BCL2L13: variants seen among roughly 807,000 people sequenced by gnomAD.
The protein encoded by BCL2L13 is bcl-2-like protein 13.
In BCL2L13, 13 loss-of-function variants were observed where a neutral mutation model predicts 25.8. That is an observed-to-expected ratio of 0.50 (90% CI 0.33 to 0.80). The LOEUF (loss-of-function observed/expected upper bound fraction) is 0.80, where lower values mean the gene tolerates loss of function less well. Ranked by LOEUF, BCL2L13 falls within the 30% of genes least tolerant of loss-of-function variation. The pLI, the probability that BCL2L13 is intolerant of heterozygous loss-of-function variation, is 0.02. For synonymous variants in BCL2L13, 244 were observed against 230.3 expected, an observed-to-expected ratio of 1.06 and a Z score of -0.54; for missense variants, 504 against 574.9, an observed-to-expected ratio of 0.88 and a Z score of 1.26.
At chr22:17,683,459 A>C (rs1417622172) in intron 3 of BCL2L13, 138 bp downstream of exon 3, 1 of 571,172 alleles carries the variant, frequency 1.8e-6, no homozygotes, top group Admixed American at 3.9e-5. Flanking sequence ...AGAAGTTTAT[A>C]AGGGTAAAAC....
chr22:17,696,174 A>C lies in BCL2L13; in HGVS notation c.420A>C (p.Thr140=), dbSNP rs1215416910. The stretch of plus-strand genomic sequence containing the variant: ...CATATCAGGCATTTCGGGAATGTAC[A>C]CTGGAGACCACAGTTCATGCCAGCG... The part of the protein sequence containing the change: ...PVTYQAFREC[T]LETTVHASGW... Residue 140 remains threonine (T), a synonymous_variant, in exon 5 of 7, where the codon ACA becomes ACC. Coordinates refer to ENST00000317582, the MANE Select transcript of BCL2L13 (RefSeq NM_015367.4). 6.2e-7 allele frequency: 1 copy of C among 1,613,914 alleles called. No homozygotes were observed.
chr22:17,706,677 C>T (rs555885304), intron 6 of BCL2L13: 150 of 1,324,170 alleles, frequency 1.1e-4, no homozygotes, highest in African/African-American at 4.0e-4. Flanking sequence ...CCCTGCAGCC[C>T]GGTGAGGGCA....
chr22:17,699,358 T>G (rs1260800936), intron 5 of BCL2L13, among the ~76,000 whole-genome samples: 3 of 152,160 alleles, frequency 2.0e-5, no homozygotes, highest in Admixed American at 2.0e-4. Flanking sequence ...TATAAATTAG[T>G]ACGCTTCATT....
At chr22:17,652,481 C>G (rs1442284376) in intron 1 of BCL2L13, among the ~76,000 whole-genome samples, 1 of 152,106 alleles carries the variant, frequency 6.6e-6, no homozygotes, top group African/African-American at 2.4e-5. Flanking sequence ...TCTTGTTGCC[C>G]AAGCTGGAGT....
At chr22:17,696,242 A>T (rs772845337) in intron 5 of BCL2L13, 32 bp downstream of exon 5, 35 of 1,560,846 alleles carry the variant, frequency 2.2e-5, no homozygotes, top group Non-Finnish European at 3.1e-5. Context: ...CTCTTAAAAG[A>T]TTTTAGTGTG....
rs558333508 is a variant in BCL2L13, at chr22:17,683,099, C to T, written c.122-115C>T. On this transcript the variant is annotated intron_variant, in intron 2 of 6. Coordinates refer to ENST00000317582, the MANE Select transcript of BCL2L13 (RefSeq NM_015367.4). ...AGTGAGCGGAGATCATGCCATTGCA[C>T]TCCAGCCCCAGTGACAGTGCGAGAC... 7.3e-4 allele frequency: 437 copies of T among 596,090 alleles called. 2 individuals carry two copies. The highest frequency in any genetic ancestry group is 1.7e-3 in the Admixed American group (48 of 28,760). The allele number at this position is 596,090 out of a possible 1,614,324, so 36.9% of individuals were successfully genotyped here. A position where few individuals can be genotyped will look rare whatever the true frequency, so the allele number is the denominator to read the frequency against.
intron 5 of BCL2L13, 99 bp downstream of exon 5, chr22:17,696,309 T>G (rs150264494): frequency 3.0e-6 from 3 of 1,005,152 alleles, no homozygotes; most frequent in Middle Eastern, 2.1e-4. Flanking sequence ...CTGTTAGAGC[T>G]CATTCTTTAA....
chr22:17,710,067 TAAAAAAAAA>T (rs71201876), intron 6 of BCL2L13, among the ~76,000 whole-genome samples: 28 of 91,806 alleles, frequency 3.0e-4, no homozygotes, highest in South Asian at 2.5e-3. Flanking sequence ...GACCTTGTCT[TAAAAAAAAA>T]AAAAAAAAAA....
intron 5 of BCL2L13, among the ~76,000 whole-genome samples, chr22:17,700,255 A>C (rs762512952): frequency 7.2e-5 from 11 of 152,314 alleles, no homozygotes; most frequent in Non-Finnish European, 1.6e-4. Context: ...AGAATAGTGG[A>C]TTTCAGACTG....
chr22:17,646,290 A>G (rs2058469191), intron 1 of BCL2L13, among the ~76,000 whole-genome samples: 1 of 151,594 alleles, frequency 6.6e-6, no homozygotes, highest in Non-Finnish European at 1.5e-5. Context: ...CTTGTTGCCC[A>G]GGCTGGAGTG....
intron 1 of BCL2L13, among the ~76,000 whole-genome samples, chr22:17,642,450 C>T (rs1034667643): frequency 8.5e-4 from 129 of 152,310 alleles, no homozygotes; most frequent in African/African-American, 2.8e-3. Flanking sequence ...TGAGCCACCA[C>T]GCCCGGCCTG....
chr22:17,719,585 T>A (rs2061044689), intron 6 of BCL2L13, among the ~76,000 whole-genome samples: 2 of 152,182 alleles, frequency 1.3e-5, no homozygotes, highest in South Asian at 4.1e-4. Flanking sequence ...TAAAGAAGAA[T>A]GAAGTACGGC....
At chr22:17,691,560 G>A (rs1292154998) in intron 4 of BCL2L13, among the ~76,000 whole-genome samples, 1 of 152,134 alleles carries the variant, frequency 6.6e-6, no homozygotes, top group Non-Finnish European at 1.5e-5. Flanking sequence ...GCAGGAGAAT[G>A]GTGTGAACCT....
Position 17,678,302 on chromosome 22 carries a change from G to A in BCL2L13, c.122-4912G>A, listed in dbSNP as rs189524201. Among the ~76,000 whole-genome samples, 791 of 152,138 alleles carry A rather than the reference G, an allele frequency of 5.2e-3. 4 individuals are homozygous for A. Among genetic ancestry groups the A allele is most frequent in the South Asian group, 0.013 (61 of 4,814 alleles). ...GCCTCCCAAAGTGCTGAGATTACAG[G>A]CATGAGCACCACACCCAACTGAAGT... On this transcript the variant is annotated intron_variant, in intron 2 of 6. Transcript: ENST00000317582.
chr22:17,726,875 C>T lies in BCL2L13; in HGVS notation c.799C>T (p.Leu267=), dbSNP rs1345905920. ...SASQSWHTES[L]PVSLGPESWQ... ...TAGCCAGAGTTGGCACACAGAAAGC[C>T]TGCCAGTGTCACTAGGCCCTGAGTC... The change falls in exon 7 of 7, where the codon CTG becomes TTG. Residue 267 remains leucine, a synonymous_variant. Transcript: ENST00000317582. The T allele has an allele frequency of 6.2e-7, 1 of 1,613,882 alleles. No homozygotes were observed. The highest frequency in any genetic ancestry group is 8.5e-7 in the Non-Finnish European group (1 of 1,179,864).
chr22:17,682,259 G>T (rs1336319936), intron 2 of BCL2L13, among the ~76,000 whole-genome samples: 1 of 152,190 alleles, frequency 6.6e-6, no homozygotes, highest in African/African-American at 2.4e-5. Flanking sequence ...AATGTGATTG[G>T]TACAAAGAAA....
rs12166731 is a variant in BCL2L13, at chr22:17,707,259, C to T, written c.600+4873C>T. ...AAATGTGTTTTTTGTGGATCTTCCT[C>T]ATCAAGTTGGGTGGAAAATTACTTC... On this transcript the variant is annotated intron_variant, in intron 6 of 6. Coordinates refer to ENST00000317582, the MANE Select transcript of BCL2L13 (RefSeq NM_015367.4). 7.6e-3 allele frequency among the ~76,000 whole-genome samples: 1,163 copies of T among 152,256 alleles called. 13 individuals are homozygous for T. Among genetic ancestry groups the T allele is most frequent in the African/African-American group, 0.027 (1,114 of 41,552 alleles).
At chr22:17,698,556 TAA>T (rs55650486) in intron 5 of BCL2L13, among the ~76,000 whole-genome samples, 4 of 129,956 alleles carry the variant, frequency 3.1e-5, no homozygotes, top group African/African-American at 1.2e-4. Flanking sequence ...CCCTGTCTCT[TAA>T]AAAAAAAAAA....
In BCL2L13 at chr22:17,696,184, A is replaced by G. The variant is rs758988570; in HGVS notation, c.430A>G (p.Thr144Ala). Residue 144 changes from threonine to alanine, a missense_variant, in exon 5 of 7, where the codon ACA (threonine) becomes GCA (alanine). Physicochemically the swap from Thr to Ala is moderately conservative, Grantham distance 58. Transcript: ENST00000317582. ...ATTTCGGGAATGTACACTGGAGACC[A>G]CAGTTCATGCCAGCGGCTGGAATAA... Reference protein sequence around the residue: ...QAFRECTLETTVHASGWNKIL... With the variant: ...QAFRECTLETAVHASGWNKIL... 1 of 1,614,028 alleles carries G rather than the reference A, an allele frequency of 6.2e-7. No homozygotes were observed. The highest frequency in any genetic ancestry group is 8.5e-7 in the Non-Finnish European group (1 of 1,179,894).
Sources: allele counts gnomAD v4.1 joint callset (sites outside exome capture counted in the v4.1 genomes callset), GRCh38; gene constraint gnomAD v4.1.1; transcripts MANE v1.5; gene names NCBI Gene and HGNC (gene_info 2026-07-23, HGNC 2026-07-21).